Variants in ADGRB3 observed in about 807,000 individuals in gnomAD.
ADGRB3 encodes the protein adhesion G protein-coupled receptor B3.
ADGRB3 carries 37 observed loss-of-function variants against 193.4 expected under a neutral mutation model. That is an observed-to-expected ratio of 0.19 (90% CI 0.15 to 0.25). The LOEUF (loss-of-function observed/expected upper bound fraction) is 0.25. Among genes scored for constraint, ADGRB3 ranks in the 10% least tolerant of loss-of-function variants. ADGRB3 has a pLI of 1.00. For synonymous variants in ADGRB3, 690 were observed against 644.2 expected (o/e 1.07, Z -1.08); for missense variants, 1,637 against 1,852.9 (o/e 0.88, Z 2.14).
intron 17 of ADGRB3, among the ~76,000 whole-genome samples, chr6:69,174,560 A>G (rs1311534534): frequency 6.6e-6 from 1 of 152,246 alleles, no homozygotes; most frequent in Non-Finnish European, 1.5e-5. Context: ...CAATGCACAT[A>G]TAAGTTCATG....
At chr6:69,236,321 C>T (rs1057346763) in intron 19 of ADGRB3, among the ~76,000 whole-genome samples, 14 of 151,684 alleles carry the variant, frequency 9.2e-5, no homozygotes, top group South Asian at 2.1e-4. Context: ...TCCTTCCTTC[C>T]GGTGAAGGAA....
chr6:68,792,083 T>C (rs956370812), intron 3 of ADGRB3, among the ~76,000 whole-genome samples: 1 of 152,220 alleles, frequency 6.6e-6, no homozygotes, highest in Non-Finnish European at 1.5e-5. Context: ...ACCATCTCTA[T>C]GTTTTAGAAT....
intron 3 of ADGRB3, among the ~76,000 whole-genome samples, chr6:68,929,882 T>A (rs994500934): frequency 6.6e-6 from 1 of 151,884 alleles, no homozygotes; most frequent in African/African-American, 2.4e-5. Context: ...AATAATCAAA[T>A]AACAGAAGGC....
intron 17 of ADGRB3, among the ~76,000 whole-genome samples, chr6:69,083,816 C>T (rs1772467831): frequency 7.0e-6 from 1 of 141,934 alleles, no homozygotes; most frequent in Admixed American, 7.6e-5. Context: ...GCTCTGTCAC[C>T]AAGGCTGGAG....
intron 17 of ADGRB3, among the ~76,000 whole-genome samples, chr6:69,083,711 A>T (rs1772461946): frequency 6.6e-6 from 1 of 152,048 alleles, no homozygotes; most frequent in Non-Finnish European, 1.5e-5. Context: ...CAAGCATCGA[A>T]AATGTGTAAA....
intron 3 of ADGRB3, among the ~76,000 whole-genome samples, chr6:68,858,406 A>G (rs759693184): frequency 6.0e-5 from 9 of 151,172 alleles, no homozygotes; most frequent in Admixed American, 5.9e-4. Context: ...CGAGAGGCTA[A>G]GGCAGGAGAA....
intron 20 of ADGRB3, among the ~76,000 whole-genome samples, chr6:69,255,113 G>A (rs1383789319): frequency 6.6e-6 from 1 of 151,792 alleles, no homozygotes; most frequent in African/African-American, 2.4e-5. Flanking sequence ...ATCACTGTTG[G>A]ACATTTGGGT....
intron 3 of ADGRB3, among the ~76,000 whole-genome samples, chr6:68,772,465 T>C (rs1379811480): frequency 2.0e-5 from 3 of 152,016 alleles, no homozygotes; most frequent in Non-Finnish European, 4.4e-5. Context: ...CTCTGTGAAA[T>C]TCCAGTTGCA....
chr6:69,277,324 C>T (rs994751421), intron 20 of ADGRB3, among the ~76,000 whole-genome samples: 3 of 152,082 alleles, frequency 2.0e-5, no homozygotes, highest in African/African-American at 7.2e-5. Context: ...TCTACTCCAT[C>T]TCTTCACTTA....
chr6:68,903,045 G>C (rs573092865), intron 3 of ADGRB3, among the ~76,000 whole-genome samples: 94 of 152,264 alleles, frequency 6.2e-4, no homozygotes, highest in African/African-American at 2.2e-3. Context: ...TGTAGAACAT[G>C]TAATTTAATC....
intron 3 of ADGRB3, among the ~76,000 whole-genome samples, chr6:68,691,947 G>A (rs1391859044): frequency 1.3e-5 from 2 of 151,436 alleles, no homozygotes; most frequent in African/African-American, 2.4e-5. Context: ...TTTATTAACA[G>A]GTACTAATGA....
At chr6:68,834,721 G>A (rs918085940) in intron 3 of ADGRB3, among the ~76,000 whole-genome samples, 1 of 54,570 alleles carries the variant, frequency 1.8e-5, no homozygotes, top group African/African-American at 7.7e-5. Context: ...GTGCTGAGAC[G>A]GGCTGGAAGA....
chr6:68,994,034 G>A, intron 11 of ADGRB3, 72 bp downstream of exon 11: 1 of 1,477,706 alleles, frequency 6.8e-7, no homozygotes, highest in Non-Finnish European at 9.3e-7. Context: ...CGAAGCCAGT[G>A]CAGCCGTCTT....
At chr6:69,310,674 A>G (rs1346039135) in intron 20 of ADGRB3, among the ~76,000 whole-genome samples, 1 of 151,714 alleles carries the variant, frequency 6.6e-6, no homozygotes, top group African/African-American at 2.4e-5. Context: ...AGATGTTTTT[A>G]TACTTACATA....
chr6:68,859,868 G>A (rs564939012), intron 3 of ADGRB3, among the ~76,000 whole-genome samples: 41 of 152,160 alleles, frequency 2.7e-4, no homozygotes, highest in African/African-American at 9.6e-4. Flanking sequence ...AATTATTGAG[G>A]AGCCCCAATA....
At chr6:68,854,903 T>A (rs1764936229) in intron 3 of ADGRB3, among the ~76,000 whole-genome samples, 2 of 152,156 alleles carry the variant, frequency 1.3e-5, no homozygotes, top group African/African-American at 4.8e-5. Flanking sequence ...TGGCCAAAGA[T>A]ATTCATGGAG....
chr6:69,304,268 T>C (rs1768016038), intron 20 of ADGRB3, among the ~76,000 whole-genome samples: 1 of 151,760 alleles, frequency 6.6e-6, no homozygotes, highest in Admixed American at 6.6e-5. Flanking sequence ...TAAATCATCA[T>C]GGAAAACTCC....
intron 3 of ADGRB3, among the ~76,000 whole-genome samples, chr6:68,677,399 G>A: frequency 6.6e-6 from 1 of 151,840 alleles, no homozygotes; most frequent in Non-Finnish European, 1.5e-5. Context: ...TCTGCTTCTT[G>A]GGATCTCACT....
At chr6:69,329,044 AT>A (rs1371234280) in intron 22 of ADGRB3, among the ~76,000 whole-genome samples, 2 of 151,642 alleles carry the variant, frequency 1.3e-5, no homozygotes, top group East Asian at 3.9e-4. Context: ...TAGGGAAAAA[AT>A]AAAAGATATA....
Sources: allele counts gnomAD v4.1 joint callset (sites outside exome capture counted in the v4.1 genomes callset), GRCh38; gene constraint gnomAD v4.1.1; transcripts MANE v1.5; gene names NCBI Gene and HGNC (gene_info 2026-07-23, HGNC 2026-07-21).